Variants in CCM2 observed in about 807,000 individuals in gnomAD.
The protein encoded by CCM2 is CCM2 scaffold protein, also known as cerebral cavernous malformations 2 protein.
In CCM2, 25 loss-of-function variants were observed where a neutral mutation model predicts 44.9. That is an observed-to-expected ratio of 0.56 (90% CI 0.41 to 0.78). The LOEUF (loss-of-function observed/expected upper bound fraction) is 0.78, where lower values mean the gene tolerates loss of function less well. Ranked by LOEUF, CCM2 falls within the 30% of genes least tolerant of loss-of-function variation. The probability of loss-of-function intolerance (pLI) is 0.00; values close to 1 mark genes in which losing one functional copy is unlikely to be tolerated. For missense variants in CCM2, 481 were observed against 580.6 expected (o/e 0.83, Z 1.76); for synonymous variants, 219 against 241.1 (o/e 0.91, Z 0.85).
rs34095527 is a variant in CCM2 at position 45,022,290 on chromosome 7, C to CTTTTT, written c.31-15938_31-15934dup. ...GGATCATTATTTTTTTTTGGACCAG[C>CTTTTT]TTTTTTTTTTTTTTTTTTTTTTTTT... On this transcript the variant is annotated intron_variant, in intron 1 of 9. Transcript: ENST00000258781. Among the ~76,000 whole-genome samples the CTTTTT allele has an allele frequency of 2.4e-4, 11 of 45,450 alleles. 1 individual carries two copies. The highest frequency in any genetic ancestry group is 4.5e-4 in the African/African-American group (5 of 11,176). The allele number at this position is 45,450 out of a possible 152,430, so 29.8% of individuals were successfully genotyped here.
At chr7:45,034,927 T>C (rs1408627205) in intron 1 of CCM2, among the ~76,000 whole-genome samples, 1 of 151,412 alleles carries the variant, frequency 6.6e-6, no homozygotes, top group African/African-American at 2.4e-5. Flanking sequence ...AGCCTTGACC[T>C]ACCGGGCTCA....
At chr7:45,020,231 T>G (rs1448412090) in intron 1 of CCM2, among the ~76,000 whole-genome samples, 1 of 152,220 alleles carries the variant, frequency 6.6e-6, no homozygotes. Flanking sequence ...GCTTCTTTTT[T>G]ATTTCTTGTT....
chr7:45,008,039 A>T (rs1334527733), intron 1 of CCM2, among the ~76,000 whole-genome samples: 76 of 127,550 alleles, frequency 6.0e-4, no homozygotes, highest in Admixed American at 3.5e-3. Context: ...GGTGGGGTAC[A>T]TTTTTTTTTT....
chr7:45,013,543 A>G (rs1174266304), intron 1 of CCM2, among the ~76,000 whole-genome samples: 1 of 152,156 alleles, frequency 6.6e-6, no homozygotes, highest in Non-Finnish European at 1.5e-5. Flanking sequence ...TGGTACAAGG[A>G]CACTCTAACC....
intron 1 of CCM2, among the ~76,000 whole-genome samples, chr7:45,000,906 G>A (rs1429955022): frequency 6.6e-6 from 1 of 152,198 alleles, no homozygotes; most frequent in Non-Finnish European, 1.5e-5. Flanking sequence ...AGTTTATGTA[G>A]TTTTACAAAA....
At chr7:45,072,840 G>A (rs1799145551) in intron 7 of CCM2, 57 bp downstream of exon 7, 1 of 1,427,410 alleles carries the variant, frequency 7.0e-7, no homozygotes. Context: ...GCGTTGTCTG[G>A]TGTTGTCCAG....
chr7:45,016,655 T>C (rs1206984778), intron 1 of CCM2, among the ~76,000 whole-genome samples: 1 of 132,988 alleles, frequency 7.5e-6, no homozygotes, highest in East Asian at 2.3e-4. Flanking sequence ...TTTTTTGAGA[T>C]GGAGTCTTGC....
chr7:45,075,472 A>G (rs978632228), intron 9 of CCM2, among the ~76,000 whole-genome samples: 2 of 152,226 alleles, frequency 1.3e-5, no homozygotes, highest in Admixed American at 1.3e-4. Flanking sequence ...AGAGAATGAG[A>G]GGAGGCCACA....
intron 1 of CCM2, chr7:45,027,565 CT>C: frequency 6.5e-7 from 1 of 1,532,410 alleles, no homozygotes; most frequent in Non-Finnish European, 8.8e-7. Flanking sequence ...GCTTTTTAAA[CT>C]TTTAAAAAAT....
chr7:45,026,893 G>T (rs531637734), intron 1 of CCM2: 21 of 152,212 alleles, frequency 1.4e-4, no homozygotes, highest in Admixed American at 5.9e-4. Flanking sequence ...ATGAGCCACC[G>T]CACCCAGCCA....
intron 1 of CCM2, among the ~76,000 whole-genome samples, chr7:45,021,228 G>T (rs1345188489): frequency 6.6e-6 from 1 of 151,906 alleles, no homozygotes; most frequent in Non-Finnish European, 1.5e-5. Flanking sequence ...CTGCACTGCA[G>T]CCTGGGTAAT....
rs185237010 is a variant in CCM2, at chr7:45,045,519, C to T, written c.204+7093C>T. On this transcript the variant is annotated intron_variant, in intron 2 of 9. Transcript: ENST00000258781. Reference sequence around the variant, plus strand: ...AAACTCAGACAAATGGGGCTGGGTGCGGTGGCTCACGCCTGTAATCCCAGC... The same window carrying T: ...AAACTCAGACAAATGGGGCTGGGTGTGGTGGCTCACGCCTGTAATCCCAGC... 1.0e-3 allele frequency among the ~76,000 whole-genome samples: 156 copies of T among 152,220 alleles called. 2 individuals carry two copies. The South Asian group carries it at 0.013, about 13-fold the overall frequency.
chr7:45,003,138 C>T (rs1295330621), intron 1 of CCM2, among the ~76,000 whole-genome samples: 1 of 152,090 alleles, frequency 6.6e-6, no homozygotes, highest in Non-Finnish European at 1.5e-5. Context: ...TGCAATGGCA[C>T]GATCTCAGCT....
intron 1 of CCM2, among the ~76,000 whole-genome samples, chr7:45,025,857 T>C (rs2128720922): frequency 6.6e-6 from 1 of 151,894 alleles, no homozygotes; most frequent in Admixed American, 6.6e-5. Context: ...CATAGCTATC[T>C]AGTCTTATTT....
chr7:45,048,216 G>GT (rs1190130249), intron 2 of CCM2, among the ~76,000 whole-genome samples: 1 of 152,088 alleles, frequency 6.6e-6, no homozygotes, highest in African/African-American at 2.4e-5. Context: ...GGAGATTGTT[G>GT]TTGTTTTGTT....
intron 1 of CCM2, among the ~76,000 whole-genome samples, chr7:45,023,822 T>TATGAGACAGAG (rs1796582845): frequency 6.8e-6 from 1 of 146,620 alleles, no homozygotes; most frequent in Non-Finnish European, 1.5e-5. Context: ...TTTTTTTTTT[T>TATGAGACAGAG]TTTATGAGAC....
chr7:45,002,412 T>C (rs1483536603), intron 1 of CCM2, among the ~76,000 whole-genome samples: 1 of 151,752 alleles, frequency 6.6e-6, no homozygotes, highest in East Asian at 1.9e-4. Context: ...ATACAAAAAA[T>C]ACAGAAATTA....
intron 1 of CCM2, among the ~76,000 whole-genome samples, chr7:45,008,328 C>T (rs1289118654): frequency 6.7e-6 from 1 of 149,700 alleles, no homozygotes; most frequent in African/African-American, 2.5e-5. Context: ...CCTCTGTGTG[C>T]CACCGTGCCT....
intron 2 of CCM2, among the ~76,000 whole-genome samples, chr7:45,057,238 C>T (rs982438878): frequency 6.6e-6 from 1 of 151,934 alleles, no homozygotes; most frequent in African/African-American, 2.4e-5. Context: ...TCTCGACTCA[C>T]TGCAGCCTCT....
Sources: allele counts gnomAD v4.1 joint callset (sites outside exome capture counted in the v4.1 genomes callset), GRCh38; gene constraint gnomAD v4.1.1; transcripts MANE v1.5; gene names NCBI Gene and HGNC (gene_info 2026-07-23, HGNC 2026-07-21).